PRKN: variants seen among roughly 807,000 people sequenced by gnomAD.
The protein encoded by PRKN is E3 ubiquitin-protein ligase parkin.
Under a neutral mutation model 59.5 loss-of-function variants are expected in PRKN, and 56 were observed. The ratio of observed to expected loss-of-function variants is 0.94; its 90% CI spans 0.76 to 1.18. The LOEUF is 1.18. Ranked by LOEUF, PRKN falls within the 50% of genes most tolerant of loss-of-function variation. The probability of loss-of-function intolerance (pLI) is 0.00; values close to 1 mark genes in which losing one functional copy is unlikely to be tolerated. For synonymous variants in PRKN, 250 were observed against 222.1 expected (o/e 1.13, Z -1.12); for missense variants, 657 against 596.4 (o/e 1.10, Z -1.06).
In PRKN at chr6:161,628,702, A is replaced by G. The variant is rs148846220; in HGVS notation, c.872-59286T>C. Among the ~76,000 whole-genome samples the G allele has an allele frequency of 2.0e-5, 3 of 152,356 alleles. 1 individual carries two copies. The East Asian group carries it at 5.8e-4, about 29-fold the overall frequency. ...TTAGAAGAGGGGGTCTGACATCTCC[A>G]GAGCTGCGCCAGCTCTTACTGCAGT... On this transcript the variant is annotated intron_variant, in intron 7 of 11. Transcript: ENST00000366898.
rs375202773 is a variant in PRKN, at chr6:161,970,591, G to A, written c.734+2711C>T. Among the ~76,000 whole-genome samples the A allele has an allele frequency of 1.2e-4, 18 of 151,446 alleles. No homozygotes were observed. The East Asian group carries it at 2.1e-3, about 18-fold the overall frequency. ...TCACTATTGTCACCCTGGCTGGAGC[G>A]CAGTGGTACAATCTTGGCTCACTGC... On this transcript the variant is annotated intron_variant, in intron 6 of 11. Transcript: ENST00000366898.
chr6:162,635,920 G>GT (rs1293075486), intron 1 of PRKN, among the ~76,000 whole-genome samples: 1 of 151,998 alleles, frequency 6.6e-6, no homozygotes, highest in East Asian at 1.9e-4. Context: ...TGGAGAAAAA[G>GT]CCTCCCAAAT....
intron 10 of PRKN, among the ~76,000 whole-genome samples, chr6:161,364,684 C>T (rs1242930047): frequency 6.6e-6 from 1 of 151,444 alleles, no homozygotes; most frequent in Non-Finnish European, 1.5e-5. Flanking sequence ...TGGTGGCTCA[C>T]GCCTGTAATC....
intron 7 of PRKN, among the ~76,000 whole-genome samples, chr6:161,711,787 T>C (rs1287314789): frequency 1.3e-5 from 2 of 152,156 alleles, no homozygotes; most frequent in Admixed American, 6.5e-5. Flanking sequence ...CTTCCAGCCT[T>C]CATCTTTCTC....
At chr6:161,711,454 A>G (rs1404751720) in intron 7 of PRKN, among the ~76,000 whole-genome samples, 1 of 152,218 alleles carries the variant, frequency 6.6e-6, no homozygotes, top group Non-Finnish European at 1.5e-5. Flanking sequence ...ATATGTGGAA[A>G]AGAGGTTTAA....
intron 9 of PRKN, among the ~76,000 whole-genome samples, chr6:161,477,193 G>T (rs540751005): frequency 5.3e-5 from 8 of 152,170 alleles, no homozygotes; most frequent in Non-Finnish European, 1.2e-4. Flanking sequence ...TCTTGCAGGC[G>T]ATCAGCAGCT....
intron 2 of PRKN, among the ~76,000 whole-genome samples, chr6:162,370,159 T>C (rs1785672537): frequency 6.6e-6 from 1 of 152,222 alleles, no homozygotes; most frequent in African/African-American, 2.4e-5. Context: ...TCCTTTTTGA[T>C]GTGATCGTCA....
chr6:162,644,123 T>C (rs948174555), intron 1 of PRKN, among the ~76,000 whole-genome samples: 2 of 152,026 alleles, frequency 1.3e-5, no homozygotes, highest in Non-Finnish European at 2.9e-5. Context: ...CTTTTGGCAA[T>C]GGAGATGCAC....
At chr6:162,707,332 T>G (rs1359951018) in intron 1 of PRKN, among the ~76,000 whole-genome samples, 1 of 152,204 alleles carries the variant, frequency 6.6e-6, no homozygotes, top group Non-Finnish European at 1.5e-5. Context: ...TATTTTACAC[T>G]TGTACTATTG....
chr6:162,556,408 T>C lies in PRKN; in HGVS notation c.8-112935A>G, dbSNP rs1319090255. ...GTGTGTGTGTGTGTGTGTGTGTCAGTTTGGCAGACGCCTTCTTTTTTTTTC... is the reference window on the plus strand; with the variant it reads ...GTGTGTGTGTGTGTGTGTGTGTCAGCTTGGCAGACGCCTTCTTTTTTTTTC... On this transcript the variant is annotated intron_variant, in intron 1 of 11. Coordinates refer to ENST00000366898, the MANE Select transcript of PRKN (RefSeq NM_004562.3). Among the ~76,000 whole-genome samples, 9 of 148,708 alleles carry C rather than the reference T, an allele frequency of 6.1e-5. No homozygotes were observed. In the East Asian group the frequency reaches 1.8e-3, roughly 30 times the overall value.
rs1778012938 is a variant in PRKN, at chr6:161,502,851, A to G, written c.1083+46003T>C. Among the ~76,000 whole-genome samples, 2 of 152,150 alleles carry G rather than the reference A, an allele frequency of 1.3e-5. No individual in the cohort carries two copies. The highest frequency in any genetic ancestry group is 2.9e-5 in the Non-Finnish European group (2 of 68,026). ...GCTCTGGAGTAGAAGGCTCTGGATT[A>G]AAAACCTGACTCCACAGCTTAGTAG... On this transcript the variant is annotated intron_variant, in intron 9 of 11. Transcript: ENST00000366898. This position sits in a 1 kb window ranked among gnomAD's most constrained non-coding sequence, Gnocchi z 4.0.
Position 162,165,061 on chromosome 6 carries a change from C to G in PRKN, c.534+36070G>C, listed in dbSNP as rs567681250. ...AATTTAGGGCTCAGAAATAGACCTA[C>G]ACATACATGACATGGTCATTTGATT... On this transcript the variant is annotated intron_variant, in intron 4 of 11. Transcript: ENST00000366898. 1.0e-4 allele frequency among the ~76,000 whole-genome samples: 15 copies of G among 148,818 alleles called. 2 individuals carry two copies. Among genetic ancestry groups the G allele is most frequent in the Admixed American group, 4.7e-4 (7 of 14,916 alleles).
chr6:162,002,207 T>A (rs1782086544), intron 5 of PRKN, among the ~76,000 whole-genome samples: 1 of 152,082 alleles, frequency 6.6e-6, no homozygotes. Flanking sequence ...AGTTTCATCC[T>A]TCTGAAAGAG....
At chr6:161,918,070 T>G (rs899824072) in intron 6 of PRKN, among the ~76,000 whole-genome samples, 3 of 152,198 alleles carry the variant, frequency 2.0e-5, no homozygotes, top group African/African-American at 7.2e-5. Flanking sequence ...CAACAAAGAA[T>G]TCATTTCAAT....
At chr6:162,693,181 G>A (rs1777842369) in intron 1 of PRKN, among the ~76,000 whole-genome samples, 1 of 152,188 alleles carries the variant, frequency 6.6e-6, no homozygotes, top group Non-Finnish European at 1.5e-5. Flanking sequence ...GGTAAGAGAT[G>A]AAGGTGCCTC....
At chr6:162,359,039 GAC>G (rs1785004601) in intron 2 of PRKN, among the ~76,000 whole-genome samples, 1 of 126,214 alleles carries the variant, frequency 7.9e-6, no homozygotes, top group East Asian at 2.4e-4. Flanking sequence ...CATCCTGGGT[GAC>G]ACAGTGACAC....
chr6:161,876,698 G>A (rs1794744316), intron 6 of PRKN, among the ~76,000 whole-genome samples: 1 of 152,088 alleles, frequency 6.6e-6, no homozygotes, highest in Non-Finnish European at 1.5e-5. Context: ...TTTTCAACAT[G>A]TATGTGATTT....
At chr6:161,691,709 C>A (rs1188555686) in intron 7 of PRKN, among the ~76,000 whole-genome samples, 1 of 152,126 alleles carries the variant, frequency 6.6e-6, no homozygotes, top group Non-Finnish European at 1.5e-5. Flanking sequence ...AATGTAAAAA[C>A]CACGGTACTA....
chr6:162,183,651 C>A (rs1469902634), intron 4 of PRKN, among the ~76,000 whole-genome samples: 2 of 152,186 alleles, frequency 1.3e-5, no homozygotes, highest in Non-Finnish European at 2.9e-5. Context: ...GGGAAACTAA[C>A]AACCTTGGTC....
Sources: allele counts gnomAD v4.1 joint callset (sites outside exome capture counted in the v4.1 genomes callset), GRCh38; gene constraint gnomAD v4.1.1; non-coding constraint Gnocchi (gnomAD v3.1); transcripts MANE v1.5; gene names NCBI Gene and HGNC (gene_info 2026-07-23, HGNC 2026-07-21).